The following BAZ1B variants were observed in gnomAD, a reference collection of about 807,000 sequenced individuals.
The protein encoded by BAZ1B is tyrosine-protein kinase BAZ1B.
Under a neutral mutation model 153.8 loss-of-function variants are expected in BAZ1B, and 22 were observed. That is an observed-to-expected ratio of 0.14 (90% CI 0.10 to 0.20). BAZ1B has a LOEUF of 0.20. Among genes scored for constraint, BAZ1B ranks in the 10% least tolerant of loss-of-function variants. The pLI is 1.00. For missense variants in BAZ1B, 1,325 were observed against 1,799.3 expected (o/e 0.74, Z 4.77); for synonymous variants, 676 against 633.4 (o/e 1.07, Z -1.01).
Position 73,449,809 on chromosome 7 carries a change from T to C in BAZ1B, c.3581-120A>G, listed in dbSNP as rs782347711. ...CGAGGAGACATGTTCCATAGAATGC[T>C]ACCCAGTTGTTGCTTTGTAAATGCA... On this transcript the variant is annotated intron_variant, in intron 14 of 19. Transcript: ENST00000339594. The C allele has an allele frequency of 7.4e-6, 8 of 1,074,826 alleles. No individual in the cohort carries two copies. The African/African-American group carries it at 8.1e-5, about 11-fold the overall frequency. The allele number at this position is 1,074,826 out of a possible 1,614,324, so 66.6% of individuals were successfully genotyped here.
chr7:73,515,374 G>A (rs1790755138), intron 1 of BAZ1B, among the ~76,000 whole-genome samples: 1 of 151,956 alleles, frequency 6.6e-6, no homozygotes, highest in African/African-American at 2.4e-5. Context: ...GCTTGACCCC[G>A]TGACTGGTTT....
intron 1 of BAZ1B, among the ~76,000 whole-genome samples, chr7:73,516,316 G>T (rs901500062): frequency 6.6e-6 from 1 of 151,918 alleles, no homozygotes; most frequent in African/African-American, 2.4e-5. Flanking sequence ...ACATCCAGCT[G>T]TTTTCTTTTT....
chr7:73,478,399 C>G lies in BAZ1B; in HGVS notation c.1062G>C (p.Lys354Asn). Residue 354 changes from lysine to asparagine, a missense_variant, in exon 7 of 20, where the codon AAG (lysine) becomes AAC (asparagine). Physicochemically the swap from Lys to Asn is moderately conservative, Grantham distance 94. Transcript: ENST00000339594. ...KSLSGSPLKVKNSKNSKSPEE... is the reference protein window; with the variant it reads ...KSLSGSPLKVNNSKNSKSPEE... ...CAGGAGATTTGGAATTCTTTGAGTT[C>G]TTCACTTTGAGTGGCGAGCCACTCA... 6.2e-7 allele frequency: 1 copy of G among 1,612,162 alleles called. No homozygotes were observed. Among genetic ancestry groups the G allele is most frequent in the Non-Finnish European group, 8.5e-7 (1 of 1,179,332 alleles).
chr7:73,452,488 C>G (rs567117559), intron 13 of BAZ1B, among the ~76,000 whole-genome samples: 1 of 152,102 alleles, frequency 6.6e-6, no homozygotes, highest in African/African-American at 2.4e-5. Flanking sequence ...CTTTGGGAGG[C>G]CGAGGCGGGC....
intron 6 of BAZ1B, among the ~76,000 whole-genome samples, chr7:73,486,628 C>T (rs1416308338): frequency 5.9e-5 from 9 of 152,058 alleles, no homozygotes; most frequent in Non-Finnish European, 1.0e-4. Flanking sequence ...GCCTGGCCTG[C>T]TAAAACTATT....
At chr7:73,454,133 T>TATAAATAAATAAATAAATAA (rs71300785) in intron 13 of BAZ1B, among the ~76,000 whole-genome samples, 63 of 146,874 alleles carry the variant, frequency 4.3e-4, no homozygotes, top group African/African-American at 1.1e-3. Flanking sequence ...ACCCCTTCTC[T>TATAAATAAATAAATAAATAA]ATAAATAAAT....
chr7:73,473,316 G>A (rs1056645748), intron 7 of BAZ1B, among the ~76,000 whole-genome samples: 2 of 152,338 alleles, frequency 1.3e-5, no homozygotes, highest in Non-Finnish European at 2.9e-5. Context: ...AATTTGGCAA[G>A]TTGAGGCAGG....
rs1482288109 is a variant in BAZ1B, at chr7:73,478,250, G to A, written c.1211C>T (p.Ala404Val). 1.2e-6 allele frequency: 2 copies of A among 1,614,066 alleles called. No individual in the cohort carries two copies. Among genetic ancestry groups the A allele is most frequent in the Middle Eastern group, 1.6e-4 (1 of 6,084 alleles). Residue 404 changes from alanine to valine, a missense_variant, in exon 7 of 20, where the codon GCA becomes GTA. Around this residue, in one of 9 missense-constraint regions of BAZ1B, gnomAD observed 219 missense variants for 248.2 expected, o/e 0.88. Coordinates refer to ENST00000339594, the MANE Select transcript of BAZ1B (RefSeq NM_032408.4). Reference sequence around the variant, plus strand: ...CAGGATGCCTTTGCTTCTGCCCTTTGCCTTCAAAGGCTTGTCACTGTGCTT... The same window carrying A: ...CAGGATGCCTTTGCTTCTGCCCTTTACCTTCAAAGGCTTGTCACTGTGCTT... ...PGKHSDKPLK[A>V]KGRSKGILNG...
intron 19 of BAZ1B, chr7:73,441,907 A>T (rs1445032402): frequency 2.3e-6 from 1 of 438,982 alleles, no homozygotes; most frequent in Non-Finnish European, 4.1e-6. Flanking sequence ...GAAAGAAGGC[A>T]GGAACAGGAA....
chr7:73,486,665 G>A (rs1225406417), intron 6 of BAZ1B, among the ~76,000 whole-genome samples: 1 of 151,978 alleles, frequency 6.6e-6, no homozygotes, highest in Non-Finnish European at 1.5e-5. Flanking sequence ...CTTTACACCT[G>A]GTCTCACTCT....
At chr7:73,503,992 T>C (rs1554577460) in intron 3 of BAZ1B, among the ~76,000 whole-genome samples, 3 of 152,184 alleles carry the variant, frequency 2.0e-5, no homozygotes, top group Non-Finnish European at 4.4e-5. Flanking sequence ...GCTACTCTTT[T>C]CTAGTTCCTG....
intron 3 of BAZ1B, among the ~76,000 whole-genome samples, chr7:73,501,948 T>C (rs535938084): frequency 8.0e-5 from 12 of 149,984 alleles, no homozygotes; most frequent in South Asian, 2.1e-4. Context: ...TGGAGTGCAG[T>C]GGTGCAATCT....
intron 3 of BAZ1B, 110 bp downstream of exon 3, chr7:73,508,217 T>C (rs1291127687): frequency 1.7e-6 from 2 of 1,201,798 alleles, no homozygotes; most frequent in East Asian, 2.5e-5. Context: ...TAACATTAAA[T>C]ATAATACTAA....
intron 12 of BAZ1B, among the ~76,000 whole-genome samples, chr7:73,462,071 C>CAAAAAAATTCT (rs1554570474): frequency 6.6e-6 from 1 of 152,118 alleles, no homozygotes; most frequent in African/African-American, 2.4e-5. Flanking sequence ...CCCGTCTCTA[C>CAAAAAAATTCT]AAAAAAATTC....
chr7:73,515,161 T>C (rs1790746895), intron 1 of BAZ1B, among the ~76,000 whole-genome samples: 1 of 152,226 alleles, frequency 6.6e-6, no homozygotes, highest in African/African-American at 2.4e-5. Flanking sequence ...CTATTATTCG[T>C]CTAAATTCTA....
At chr7:73,474,538 G>A (rs919106361) in intron 7 of BAZ1B, among the ~76,000 whole-genome samples, 1 of 152,210 alleles carries the variant, frequency 6.6e-6, no homozygotes, top group Non-Finnish European at 1.5e-5. Flanking sequence ...ACTCTGGGAG[G>A]CCAAGGCGTG....
chr7:73,505,236 G>A (rs535092291), intron 3 of BAZ1B, among the ~76,000 whole-genome samples: 3 of 152,248 alleles, frequency 2.0e-5, no homozygotes, highest in South Asian at 4.1e-4. Context: ...CTTCTGGAAA[G>A]ATTTTCTTAG....
In BAZ1B at chr7:73,442,781, C is replaced by T; in HGVS notation, c.4038G>A (p.Gln1346=). 1.2e-6 allele frequency: 2 copies of T among 1,614,208 alleles called. No homozygotes were observed. Among genetic ancestry groups the T allele is most frequent in the South Asian group, 1.1e-5 (1 of 91,090 alleles). ...RSSRRQSLEL[Q]KCEEILHKIV... ...TCTTGTGGAGGATCTCTTCACACTT[C>T]TGCAGCTCCAGGCTTTGCCTCCGGG... Residue 1346 remains glutamine (Q), a synonymous_variant, in exon 18 of 20, where the codon CAG becomes CAA. Transcript: ENST00000339594.
chr7:73,474,820 AT>A (rs1456954613), intron 7 of BAZ1B, among the ~76,000 whole-genome samples: 14 of 152,186 alleles, frequency 9.2e-5, no homozygotes, highest in African/African-American at 3.4e-4. Flanking sequence ...AGATGAAAAT[AT>A]TTGTAGACCA....
Sources: gnomAD v4.1 joint callset for allele counts (sites outside exome capture counted in the v4.1 genomes callset) on GRCh38, gnomAD v4.1.1 for gene constraint, gnomAD v4.1.1 regional missense constraint, MANE v1.5 for transcripts, NCBI Gene and HGNC (gene_info 2026-07-23, HGNC 2026-07-21) for gene names.